The following KCNMA1 variants were observed in gnomAD, a reference collection of about 807,000 sequenced individuals.
KCNMA1 encodes the protein Calcium-activated potassium channel subunit alpha-1.
Under a neutral mutation model 140.0 loss-of-function variants are expected in KCNMA1, and 29 were observed. That is an observed-to-expected ratio of 0.21 (90% CI 0.15 to 0.28). The LOEUF is 0.28. Ranked by LOEUF, KCNMA1 falls within the 10% of genes least tolerant of loss-of-function variation. KCNMA1 has a pLI of 1.00. For missense variants in KCNMA1, 880 were observed against 1,602.2 expected, an observed-to-expected ratio of 0.55 and a Z score of 7.70; for synonymous variants, 612 against 611.9, an observed-to-expected ratio of 1.00 and a Z score of 0.00.
intron 5 of KCNMA1, among the ~76,000 whole-genome samples, chr10:77,170,341 A>C (rs1403352215): frequency 1.3e-5 from 2 of 152,224 alleles, no homozygotes; most frequent in East Asian, 3.9e-4. Context: ...AGATTTGTTC[A>C]AATAAGTCAC....
Position 76,915,001 on chromosome 10 carries a change from A to C in KCNMA1, c.2951T>G (p.Val984Gly), listed in dbSNP as rs1341072000. 1.2e-6 allele frequency: 2 copies of C among 1,613,662 alleles called. No individual in the cohort carries two copies. The highest frequency in any genetic ancestry group is 1.1e-5 in the South Asian group (1 of 91,072). The change falls in exon 24 of 28, where the codon GTG becomes GGG. Residue 984 changes from valine to glycine, a missense_variant. By Grantham distance (109) the Val-to-Gly change is moderately radical. Around this residue, in one of 13 missense-constraint regions of KCNMA1, gnomAD observed 44 missense variants for 58.2 expected, o/e 0.76. Transcript: ENST00000286628. ...GGATGGTTGACGTAACATCCCGTGCACTGGGCTGTTATCTGGAGAGGATCT... is the reference window on the plus strand; with the variant it reads ...GGATGGTTGACGTAACATCCCGTGCCCTGGGCTGTTATCTGGAGAGGATCT... ...MDRSSPDNSP[V>G]HGMLRQPSIT... is the part of the protein sequence containing the mutation.
chr10:77,387,921 G>A (rs561641623), intron 2 of KCNMA1, among the ~76,000 whole-genome samples: 24 of 152,178 alleles, frequency 1.6e-4, no homozygotes, highest in Middle Eastern at 3.4e-3. Flanking sequence ...CCCAGCCCTC[G>A]GAATTCTTTA....
At chr10:77,125,544 G>A (rs1301063780) in intron 5 of KCNMA1, among the ~76,000 whole-genome samples, 1 of 152,072 alleles carries the variant, frequency 6.6e-6, no homozygotes, top group Non-Finnish European at 1.5e-5. Context: ...ACTTTCCCTG[G>A]CTACCCGACC....
intron 1 of KCNMA1, among the ~76,000 whole-genome samples, chr10:77,436,408 A>G (rs2097263334): frequency 6.6e-6 from 1 of 151,858 alleles, no homozygotes; most frequent in African/African-American, 2.4e-5. Flanking sequence ...ACCCCTAAAG[A>G]CTTAAGTGTT....
chr10:77,028,816 G>A (rs894137490), intron 15 of KCNMA1, among the ~76,000 whole-genome samples: 2 of 152,102 alleles, frequency 1.3e-5, no homozygotes, highest in Admixed American at 6.6e-5. Context: ...ATACAGAGAA[G>A]CTAAACAAAC....
intron 10 of KCNMA1, among the ~76,000 whole-genome samples, chr10:77,088,643 G>A (rs1160002514): frequency 6.6e-6 from 1 of 151,916 alleles, no homozygotes; most frequent in East Asian, 2.0e-4. Flanking sequence ...TGCCCAAGCT[G>A]GTCTTGAACT....
At chr10:76,872,374 T>C (rs1589311423), downstream of KCNMA1, 1 of 152,216 alleles carries the variant, frequency 6.6e-6, no homozygotes, top group Non-Finnish European at 1.5e-5. Flanking sequence ...TTTGTGTGCA[T>C]TCTCATGATA....
intron 9 of KCNMA1, among the ~76,000 whole-genome samples, chr10:77,103,394 T>TG (rs550795547): frequency 1.5e-3 from 226 of 152,276 alleles, no homozygotes; most frequent in Non-Finnish European, 2.8e-3. Context: ...ACTGGTCACG[T>TG]GGGGCTCTAC....
At chr10:76,969,684 C>T (rs1400804274) in intron 20 of KCNMA1, among the ~76,000 whole-genome samples, 2 of 152,244 alleles carry the variant, frequency 1.3e-5, no homozygotes, top group East Asian at 3.9e-4. Context: ...TTAGGAACTA[C>T]ACACAGACAG....
intron 1 of KCNMA1, among the ~76,000 whole-genome samples, chr10:77,416,393 C>T (rs987695161): frequency 2.0e-5 from 3 of 152,204 alleles, no homozygotes; most frequent in African/African-American, 7.2e-5. Context: ...AATGCCTTCA[C>T]TACCACTACT....
At chr10:77,148,496 C>T (rs1264746193) in intron 5 of KCNMA1, among the ~76,000 whole-genome samples, 1 of 150,952 alleles carries the variant, frequency 6.6e-6, no homozygotes, top group South Asian at 2.1e-4. Flanking sequence ...AATTCTGATG[C>T]TCAACATTAA....
intron 3 of KCNMA1, among the ~76,000 whole-genome samples, chr10:77,212,998 G>A (rs138909888): frequency 6.6e-5 from 10 of 151,950 alleles, no homozygotes; most frequent in South Asian, 2.1e-4. Context: ...AATTGCCGAC[G>A]TATGCATAGT....
intron 5 of KCNMA1, among the ~76,000 whole-genome samples, chr10:77,136,263 A>G (rs780541399): frequency 1.3e-5 from 2 of 152,240 alleles, no homozygotes; most frequent in Non-Finnish European, 2.9e-5. Context: ...ATCCAAAAAT[A>G]GGTCTTACGT....
chr10:77,112,458 C>G lies in KCNMA1; in HGVS notation c.885-16G>C. On this transcript the variant is annotated splice_polypyrimidine_tract_variant and intron_variant, in intron 6 of 27. Coordinates refer to ENST00000286628, the MANE Select transcript of KCNMA1 (RefSeq NM_001161352.2). ...GATGGAATTACTGTGCAAGAGACAA[C>G]AAGCAAAATCCCCACGTTACCAAGG... 1.2e-6 allele frequency: 2 copies of G among 1,605,604 alleles called. No individual in the cohort carries two copies. Among genetic ancestry groups the G allele is most frequent in the Non-Finnish European group, 8.5e-7 (1 of 1,172,438 alleles).
chr10:77,296,699 A>G (rs533393465), intron 2 of KCNMA1, among the ~76,000 whole-genome samples: 2 of 152,066 alleles, frequency 1.3e-5, no homozygotes, highest in Non-Finnish European at 2.9e-5. Flanking sequence ...TCCTGGATAG[A>G]ACTGCCATCC....
chr10:77,052,150 G>A (rs1055854812), intron 14 of KCNMA1, among the ~76,000 whole-genome samples: 6 of 152,160 alleles, frequency 3.9e-5, no homozygotes, highest in African/African-American at 1.4e-4. Flanking sequence ...TGCTAGAAAA[G>A]GCTGGAACAT....
chr10:77,389,101 G>C (rs2095717483), intron 2 of KCNMA1, among the ~76,000 whole-genome samples: 1 of 152,220 alleles, frequency 6.6e-6, no homozygotes, highest in African/African-American at 2.4e-5. Context: ...TTGAGGGTCT[G>C]TTGCCCCTGT....
chr10:77,200,570 A>G (rs1317911376), intron 3 of KCNMA1, among the ~76,000 whole-genome samples: 1 of 151,868 alleles, frequency 6.6e-6, no homozygotes, highest in Non-Finnish European at 1.5e-5. Context: ...TCTCTCTCCT[A>G]CCACGGCCCC....
intron 5 of KCNMA1, among the ~76,000 whole-genome samples, chr10:77,174,042 C>T (rs1021712458): frequency 6.6e-6 from 1 of 152,170 alleles, no homozygotes; most frequent in Non-Finnish European, 1.5e-5. Context: ...ACAAATCCAG[C>T]AAATTGCAGG....
Sources: gnomAD v4.1 joint callset for allele counts (sites outside exome capture counted in the v4.1 genomes callset) on GRCh38, gnomAD v4.1.1 for gene constraint, gnomAD v4.1.1 regional missense constraint, MANE v1.5 for transcripts, NCBI Gene and HGNC (gene_info 2026-07-23, HGNC 2026-07-21) for gene names.